PLBD1: variants seen among roughly 807,000 people sequenced by gnomAD.
The protein encoded by PLBD1 is lysosomal leucine aminopeptidase.
A neutral mutation model predicts 63.0 loss-of-function variants in PLBD1; 60 were observed. The ratio of observed to expected loss-of-function variants is 0.95; its 90% CI spans 0.77 to 1.18. The LOEUF (loss-of-function observed/expected upper bound fraction) is 1.18, where lower values mean the gene tolerates loss of function less well. PLBD1 is among the 50% of genes most tolerant of loss of function. The pLI is 0.00. For missense variants in PLBD1, 598 were observed against 677.9 expected (o/e 0.88, Z 1.31); for synonymous variants, 262 against 248.0 (o/e 1.06, Z -0.53).
intron 1 of PLBD1, among the ~76,000 whole-genome samples, chr12:14,555,264 G>T (rs1336515001): frequency 6.6e-6 from 1 of 152,162 alleles, no homozygotes; most frequent in African/African-American, 2.4e-5. Flanking sequence ...GCTGCTGGGA[G>T]CAGTGGCTCA....
At chr12:14,532,315 C>T (rs949002153) in intron 6 of PLBD1, among the ~76,000 whole-genome samples, 4 of 152,152 alleles carry the variant, frequency 2.6e-5, no homozygotes, top group Non-Finnish European at 5.9e-5. Flanking sequence ...AGGCCTAGCC[C>T]GCCCCAAGGA....
intron 2 of PLBD1, among the ~76,000 whole-genome samples, chr12:14,552,479 A>T (rs1945667094): frequency 6.6e-6 from 1 of 152,218 alleles, no homozygotes; most frequent in Non-Finnish European, 1.5e-5. Context: ...GCTGGAAATA[A>T]ATGCACCAAC....
chr12:14,529,041 G>T (rs1020453535), intron 6 of PLBD1, among the ~76,000 whole-genome samples: 1 of 152,010 alleles, frequency 6.6e-6, no homozygotes, highest in African/African-American at 2.4e-5. Context: ...ACTTAAAGAA[G>T]AAAATGGGCT....
chr12:14,506,394 C>A, intron 9 of PLBD1, 126 bp from the exon 10 acceptor site: 1 of 657,360 alleles, frequency 1.5e-6, no homozygotes, highest in South Asian at 2.0e-5. Context: ...GCCTCCTCAG[C>A]CCAGTCTGCT....
intron 6 of PLBD1, among the ~76,000 whole-genome samples, chr12:14,519,501 C>T (rs1353657694): frequency 6.6e-6 from 1 of 151,904 alleles, no homozygotes; most frequent in Non-Finnish European, 1.5e-5. Context: ...CACCTGTAGT[C>T]CCAGCTACTT....
chr12:14,510,682 AATCAAGGCAGTG>A (rs1352066647), intron 8 of PLBD1, among the ~76,000 whole-genome samples: 1 of 152,212 alleles, frequency 6.6e-6, no homozygotes, highest in Non-Finnish European at 1.5e-5. Context: ...CTGAGATTTG[AATCAAGGCAGTG>A]AGCCTCCTGG....
At chr12:14,506,088 A>C (rs1945252790) in intron 10 of PLBD1, 74 bp downstream of exon 10, 3 of 1,000,696 alleles carry the variant, frequency 3.0e-6, no homozygotes, top group African/African-American at 1.6e-5. Flanking sequence ...CTGCCATAAA[A>C]ACCTGTGCAA....
intron 4 of PLBD1, among the ~76,000 whole-genome samples, chr12:14,539,990 A>C (rs1945553346): frequency 7.3e-6 from 1 of 137,322 alleles, no homozygotes; most frequent in African/African-American, 2.7e-5. Context: ...AAATAGACAA[A>C]AAGTTCAAAG....
At chr12:14,525,750 G>C (rs1160516314) in intron 6 of PLBD1, among the ~76,000 whole-genome samples, 1 of 151,390 alleles carries the variant, frequency 6.6e-6, no homozygotes, top group African/African-American at 2.4e-5. Flanking sequence ...TTAAAAGACA[G>C]TAAGTTTTTA....
Position 14,561,668 on chromosome 12 carries a change from C to A in PLBD1, c.115+5914G>T, listed in dbSNP as rs1340494753. Among the ~76,000 whole-genome samples the A allele has an allele frequency of 4.6e-5, 7 of 152,304 alleles. No homozygotes were observed. In the South Asian group the frequency reaches 1.2e-3, roughly 27 times the overall value. On this transcript the variant is annotated intron_variant, in intron 1 of 10. Coordinates refer to ENST00000240617, the MANE Select transcript of PLBD1 (RefSeq NM_024829.6). ...ATCCCGGGTTCAAGCAATTCTCCTGCCTCAGCCTCCTGAGTAGCTGGGATC... is the reference window on the plus strand; with the variant it reads ...ATCCCGGGTTCAAGCAATTCTCCTGACTCAGCCTCCTGAGTAGCTGGGATC...
chr12:14,520,830 C>T (rs1283589721), intron 6 of PLBD1, among the ~76,000 whole-genome samples: 1 of 152,200 alleles, frequency 6.6e-6, no homozygotes, highest in Non-Finnish European at 1.5e-5. Flanking sequence ...ACAGTCTTTG[C>T]TGCTTGAGAA....
Position 14,567,604 on chromosome 12 carries a change from G to T in PLBD1, c.93C>A (p.Thr31=). 2 of 1,497,996 alleles carry T rather than the reference G, an allele frequency of 1.3e-6. No homozygotes were observed. The highest frequency in any genetic ancestry group is 1.5e-5 in the African/African-American group (1 of 67,724). The allele number at this position is 1,497,996 out of a possible 1,614,324, so 92.8% of individuals were successfully genotyped here. Residue 31 remains threonine (T), a synonymous_variant, in exon 1 of 11, where the codon ACC becomes ACA. Coordinates refer to ENST00000240617, the MANE Select transcript of PLBD1 (RefSeq NM_024829.6). ...LLLLLPLLLV[T]AEPPKPAGVY... ...CACCTGCAGGTTTCGGCGGCTCCGC[G>T]GTGACTAACAACAGCGGCAGCAGCA... is the stretch of plus-strand genomic sequence containing the variant.
chr12:14,504,044 G>T, intron 10 of PLBD1, 90 bp from the exon 11 acceptor site: 1 of 1,249,954 alleles, frequency 8.0e-7, no homozygotes, highest in Non-Finnish European at 1.1e-6. Flanking sequence ...CACTACCAAA[G>T]TCACAATATT....
intron 3 of PLBD1, among the ~76,000 whole-genome samples, chr12:14,541,477 T>C (rs975636673): frequency 2.6e-5 from 4 of 152,360 alleles, no homozygotes; most frequent in Admixed American, 2.6e-4. Flanking sequence ...CTTCCAGTTC[T>C]CTGAACTTTT....
At chr12:14,563,460 C>T (rs563200626) in intron 1 of PLBD1, among the ~76,000 whole-genome samples, 1 of 152,052 alleles carries the variant, frequency 6.6e-6, no homozygotes, top group South Asian at 2.1e-4. Flanking sequence ...GGAGGTTGCA[C>T]GGAGCCAAGA....
At chr12:14,540,045 T>C (rs1163737105) in intron 4 of PLBD1, among the ~76,000 whole-genome samples, 1,024 of 62,696 alleles carry the variant, frequency 0.016, 63 homozygotes, top group African/African-American at 0.043. Flanking sequence ...TATATATATA[T>C]ATATATATAC....
intron 8 of PLBD1, among the ~76,000 whole-genome samples, chr12:14,507,739 G>C (rs1945266914): frequency 6.6e-6 from 1 of 152,132 alleles, no homozygotes; most frequent in Non-Finnish European, 1.5e-5. Context: ...GTTACATTAG[G>C]CTTTTAATTC....
chr12:14,515,374 C>T (rs2136908077), intron 6 of PLBD1, among the ~76,000 whole-genome samples: 1 of 151,542 alleles, frequency 6.6e-6, no homozygotes, highest in East Asian at 1.9e-4. Flanking sequence ...TGGGATGGTA[C>T]CAATGAGGAG....
intron 8 of PLBD1, among the ~76,000 whole-genome samples, chr12:14,508,921 T>G (rs983333968): frequency 6.6e-6 from 1 of 152,122 alleles, no homozygotes; most frequent in Non-Finnish European, 1.5e-5. Context: ...AATACAGGCC[T>G]TCTAACTAAA....
Sources: gnomAD v4.1 joint callset for allele counts (sites outside exome capture counted in the v4.1 genomes callset) on GRCh38, gnomAD v4.1.1 for gene constraint, MANE v1.5 for transcripts, NCBI Gene and HGNC (gene_info 2026-07-23, HGNC 2026-07-21) for gene names.